CAMK2D: variants seen among roughly 807,000 people sequenced by gnomAD.
The protein encoded by CAMK2D is calcium/calmodulin dependent protein kinase II delta.
A neutral mutation model predicts 84.0 loss-of-function variants in CAMK2D; 37 were observed. The observed-to-expected ratio is 0.44, with a 90% confidence interval of 0.34 to 0.58. The LOEUF is 0.58. CAMK2D is among the 20% of genes least tolerant of loss of function. The pLI is 0.02. For synonymous variants in CAMK2D, 202 were observed against 212.5 expected (o/e 0.95, Z 0.43); for missense variants, 448 against 652.5 (o/e 0.69, Z 3.41).
chr4:113,569,115 T>G (rs1254818063), intron 4 of CAMK2D, among the ~76,000 whole-genome samples: 1 of 152,182 alleles, frequency 6.6e-6, no homozygotes, highest in Admixed American at 6.5e-5. Flanking sequence ...ACTCCTGACC[T>G]CAAGTGATTC....
At chr4:113,503,013 C>A in intron 14 of CAMK2D, 36 bp from the exon 15 acceptor site, 4 of 1,472,170 alleles carry the variant, frequency 2.7e-6, no homozygotes, top group Non-Finnish European at 3.8e-6. Flanking sequence ...AAACAGTTCG[C>A]ATTGGTAAGT....
At chr4:113,594,034 T>C (rs1303040868) in intron 4 of CAMK2D, among the ~76,000 whole-genome samples, 1 of 152,188 alleles carries the variant, frequency 6.6e-6, no homozygotes, top group Non-Finnish European at 1.5e-5. Flanking sequence ...ACAGGAAGTA[T>C]GGCAGCATTT....
rs560404638 is a variant in CAMK2D at position 113,680,620 on chromosome 4, G to T, written c.161-18848C>A. 5.3e-5 allele frequency among the ~76,000 whole-genome samples: 8 copies of T among 152,316 alleles called. No homozygotes were observed. The South Asian group carries it at 1.7e-3, about 32-fold the overall frequency. On this transcript the variant is annotated intron_variant, in intron 2 of 20. Transcript: ENST00000511664. ...AGATATAAATCAGAGCAACTCTAGGGTAAGTTCCTCTTAGGAATTATCTGG... is the reference window on the plus strand; with the variant it reads ...AGATATAAATCAGAGCAACTCTAGGTTAAGTTCCTCTTAGGAATTATCTGG...
chr4:113,498,822 A>G (rs2097983839), intron 16 of CAMK2D, among the ~76,000 whole-genome samples: 1 of 152,224 alleles, frequency 6.6e-6, no homozygotes, highest in Non-Finnish European at 1.5e-5. Flanking sequence ...ATGTTTACAT[A>G]GATTAATAGC....
At chr4:113,601,356 A>C (rs1256212309) in intron 4 of CAMK2D, among the ~76,000 whole-genome samples, 1 of 152,236 alleles carries the variant, frequency 6.6e-6, no homozygotes, top group Non-Finnish European at 1.5e-5. Flanking sequence ...TTCCTTAAAA[A>C]ATATAACAAA....
intron 17 of CAMK2D, among the ~76,000 whole-genome samples, chr4:113,462,891 T>C (rs2097406833): frequency 1.3e-5 from 2 of 152,214 alleles, no homozygotes; most frequent in African/African-American, 4.8e-5. Flanking sequence ...TCTTATTCTT[T>C]GGATAATCAT....
intron 3 of CAMK2D, among the ~76,000 whole-genome samples, chr4:113,622,589 GC>G (rs2099050825): frequency 6.6e-6 from 1 of 152,084 alleles, no homozygotes; most frequent in Admixed American, 6.6e-5. Flanking sequence ...ACAAAGTGAC[GC>G]CCCATCTCTA....
intron 6 of CAMK2D, among the ~76,000 whole-genome samples, chr4:113,541,750 A>C (rs2098531283): frequency 6.6e-6 from 1 of 152,170 alleles, no homozygotes; most frequent in African/African-American, 2.4e-5. Context: ...TCACTCTTTT[A>C]ACAGAAAACC....
chr4:113,748,125 G>C (rs2099608849), intron 2 of CAMK2D, among the ~76,000 whole-genome samples: 1 of 151,978 alleles, frequency 6.6e-6, no homozygotes, highest in Admixed American at 6.6e-5. Flanking sequence ...CAACCCAACA[G>C]TTATCTCCTA....
In CAMK2D at chr4:113,724,647, C is replaced by T. The variant is rs573875235; in HGVS notation, c.160+34673G>A. 1.8e-4 allele frequency among the ~76,000 whole-genome samples: 28 copies of T among 151,422 alleles called. 1 individual carries two copies. In the South Asian group the frequency reaches 5.4e-3, roughly 29 times the overall value. ...TTGTTTATTATTTGTTTGAAATAAG[C>T]GGCTTTTGGTTCTACTGTAAATACT... On this transcript the variant is annotated intron_variant, in intron 2 of 20. Transcript: ENST00000511664.
chr4:113,516,832 C>T (rs1379860969), intron 9 of CAMK2D, among the ~76,000 whole-genome samples: 1 of 152,058 alleles, frequency 6.6e-6, no homozygotes, highest in Non-Finnish European at 1.5e-5. Context: ...TTCCATAGGG[C>T]TGTATGAGGG....
At chr4:113,719,074 C>G (rs1359102660) in intron 2 of CAMK2D, among the ~76,000 whole-genome samples, 1 of 152,054 alleles carries the variant, frequency 6.6e-6, no homozygotes, top group Non-Finnish European at 1.5e-5. Context: ...TAAACATAAA[C>G]TGTTAATGAA....
intron 2 of CAMK2D, among the ~76,000 whole-genome samples, chr4:113,733,317 TC>T (rs1227682519): frequency 6.6e-6 from 1 of 152,252 alleles, no homozygotes; most frequent in Non-Finnish European, 1.5e-5. Flanking sequence ...GTCCTCAGTG[TC>T]TTTTCTCCTG....
intron 6 of CAMK2D, among the ~76,000 whole-genome samples, chr4:113,540,753 T>C (rs902523539): frequency 1.1e-4 from 17 of 152,374 alleles, no homozygotes; most frequent in Admixed American, 1.1e-3. Flanking sequence ...CAGCTGGTCA[T>C]TTCAATGTGC....
chr4:113,502,337 C>T lies in CAMK2D; in HGVS notation c.1086+599G>A, dbSNP rs537391441. ...GGAATATATATTACTCAACAACAAACATATTTCACAAAAAGTGAAACTCCT... is the reference window on the plus strand; with the variant it reads ...GGAATATATATTACTCAACAACAAATATATTTCACAAAAAGTGAAACTCCT... On this transcript the variant is annotated intron_variant, in intron 15 of 20. Transcript: ENST00000511664. 2.6e-5 allele frequency among the ~76,000 whole-genome samples: 4 copies of T among 151,590 alleles called. No homozygotes were observed. In the East Asian group the frequency reaches 7.8e-4, roughly 29 times the overall value.
rs926244090 is a variant in CAMK2D at position 113,761,447 on chromosome 4, C to G, written c.-379G>C. 1 of 1,163,482 alleles carries G rather than the reference C, an allele frequency of 8.6e-7. No homozygotes were observed. The highest frequency in any genetic ancestry group is 1.6e-5 in the African/African-American group (1 of 62,614). The allele number at this position is 1,163,482 out of a possible 1,614,324, so 72.1% of individuals were successfully genotyped here. On this transcript the variant is annotated 5_prime_UTR_variant, in exon 1 of 21. Transcript: ENST00000511664. ...GCACGGGACGAGTGGCAAGCAGTTG[C>G]GAAACGATCCGCACTGGAGCAGGAG...
chr4:113,466,642 A>G (rs2097474037), intron 16 of CAMK2D, among the ~76,000 whole-genome samples: 1 of 152,216 alleles, frequency 6.6e-6, no homozygotes, highest in South Asian at 2.1e-4. Flanking sequence ...CTCCAGGTAT[A>G]GCTGTCAAAC....
At chr4:113,703,428 C>T (rs2099428969) in intron 2 of CAMK2D, among the ~76,000 whole-genome samples, 1 of 152,122 alleles carries the variant, frequency 6.6e-6, no homozygotes, top group African/African-American at 2.4e-5. Context: ...CAAACTCAAA[C>T]AATTTTTCCA....
intron 2 of CAMK2D, among the ~76,000 whole-genome samples, chr4:113,757,599 T>C (rs979939150): frequency 6.6e-6 from 1 of 152,172 alleles, no homozygotes; most frequent in Non-Finnish European, 1.5e-5. Context: ...GCAAGAAGAA[T>C]GTCTCCTAAC....
Sources: allele counts gnomAD v4.1 joint callset (sites outside exome capture counted in the v4.1 genomes callset), GRCh38; gene constraint gnomAD v4.1.1; transcripts MANE v1.5; gene names NCBI Gene and HGNC (gene_info 2026-07-23, HGNC 2026-07-21).